The following KIF2A variants were observed in gnomAD, a reference collection of about 807,000 sequenced individuals.
The protein encoded by KIF2A is kinesin family member 2A, also known as kinesin-like protein KIF2A.
A neutral mutation model predicts 100.2 loss-of-function variants in KIF2A; 22 were observed. The ratio of observed to expected loss-of-function variants is 0.22; its 90% CI spans 0.16 to 0.31. The LOEUF (loss-of-function observed/expected upper bound fraction) is 0.31. KIF2A is among the 10% of genes least tolerant of loss of function. KIF2A has a pLI of 1.00. For synonymous variants in KIF2A, 268 were observed against 285.9 expected (o/e 0.94, Z 0.63); for missense variants, 495 against 898.7 (o/e 0.55, Z 5.74).
intron 9 of KIF2A, among the ~76,000 whole-genome samples, chr5:62,359,058 T>G (rs1748256949): frequency 6.6e-6 from 1 of 152,220 alleles, no homozygotes; most frequent in Non-Finnish European, 1.5e-5. Flanking sequence ...AGTTCCGTAC[T>G]TGTATTTAAA....
At chr5:62,308,146 G>A (rs938551517) in intron 1 of KIF2A, among the ~76,000 whole-genome samples, 3 of 152,124 alleles carry the variant, frequency 2.0e-5, no homozygotes, top group African/African-American at 4.8e-5. Flanking sequence ...TGAAACCATC[G>A]TTATCCTGTA....
At chr5:62,352,152 CA>C (rs35310169) in intron 4 of KIF2A, among the ~76,000 whole-genome samples, 150 of 118,932 alleles carry the variant, frequency 1.3e-3, no homozygotes, top group Middle Eastern at 9.8e-3. Context: ...GACTTCATCT[CA>C]AAAAAAAAAA....
chr5:62,371,659 A>G (rs956129650), intron 16 of KIF2A, among the ~76,000 whole-genome samples: 8 of 152,206 alleles, frequency 5.3e-5, no homozygotes, highest in African/African-American at 1.7e-4. Flanking sequence ...TTGAAGGACT[A>G]AATAATATAA....
At chr5:62,356,182 A>T (rs1748096943) in intron 7 of KIF2A, among the ~76,000 whole-genome samples, 1 of 152,368 alleles carries the variant, frequency 6.6e-6, no homozygotes. Context: ...TACAAAAAAG[A>T]CATTTGTGTT....
chr5:62,339,462 C>T (rs1445585738), intron 1 of KIF2A, among the ~76,000 whole-genome samples: 1 of 137,596 alleles, frequency 7.3e-6, no homozygotes, highest in Non-Finnish European at 1.6e-5. Context: ...CACACAGCCA[C>T]TATCGATAGG....
intron 1 of KIF2A, among the ~76,000 whole-genome samples, chr5:62,308,906 A>G (rs1246470369): frequency 4.3e-5 from 2 of 46,490 alleles, no homozygotes; most frequent in Admixed American, 1.8e-4. Context: ...GGATTTTAGC[A>G]GCTCTTGTTA....
chr5:62,350,780 G>T (rs1747810774), intron 4 of KIF2A, among the ~76,000 whole-genome samples: 1 of 151,774 alleles, frequency 6.6e-6, no homozygotes, highest in South Asian at 2.1e-4. Context: ...AGGCATGGTG[G>T]CAGTGCCTGT....
intron 19 of KIF2A, among the ~76,000 whole-genome samples, chr5:62,380,769 CTCA>C (rs1325911549): frequency 6.6e-6 from 1 of 152,060 alleles, no homozygotes; most frequent in South Asian, 2.1e-4. Context: ...GGTCTTCATC[CTCA>C]TCATCTTCAC....
chr5:62,306,247 C>G lies in KIF2A; in HGVS notation c.-226C>G. 2 of 523,698 alleles carry G rather than the reference C, an allele frequency of 3.8e-6. No individual in the cohort carries two copies. Among genetic ancestry groups the G allele is most frequent in the South Asian group, 4.8e-5 (2 of 41,394 alleles). The allele number at this position is 523,698 out of a possible 1,614,324, so 32.4% of individuals were successfully genotyped here. A position where few individuals can be genotyped will look rare whatever the true frequency, so the allele number is the denominator to read the frequency against. On this transcript the variant is annotated 5_prime_UTR_variant, in exon 1 of 21. Coordinates refer to ENST00000407818, the MANE Select transcript of KIF2A (RefSeq NM_001098511.3). ...TCTCACGGCCCCGGCCCTAGCTTCACCCCGACTACCCGGCGTGCGCGTCCT... is the reference window on the plus strand; with the variant it reads ...TCTCACGGCCCCGGCCCTAGCTTCAGCCCGACTACCCGGCGTGCGCGTCCT...
At chr5:62,340,200 G>A (rs1262483930) in intron 1 of KIF2A, among the ~76,000 whole-genome samples, 1 of 152,146 alleles carries the variant, frequency 6.6e-6, no homozygotes, top group Admixed American at 6.6e-5. Context: ...GCCTCCCAAA[G>A]TGCTGGGATT....
In KIF2A at chr5:62,306,217, C is replaced by A; in HGVS notation, c.-256C>A. The A allele has an allele frequency of 2.2e-6, 1 of 452,962 alleles. No individual in the cohort carries two copies. Among genetic ancestry groups the A allele is most frequent in the Non-Finnish European group, 3.9e-6 (1 of 256,262 alleles). The allele number at this position is 452,962 out of a possible 1,614,324, so 28.1% of individuals were successfully genotyped here. A position where few individuals can be genotyped will look rare whatever the true frequency, so the allele number is the denominator to read the frequency against. ...GTGCGGGCCCTCCCACTCTACCCCGCGCCGTCTCACGGCCCCGGCCCTAGC... is the reference window on the plus strand; with the variant it reads ...GTGCGGGCCCTCCCACTCTACCCCGAGCCGTCTCACGGCCCCGGCCCTAGC... On this transcript the variant is annotated 5_prime_UTR_variant, in exon 1 of 21. Coordinates refer to ENST00000407818, the MANE Select transcript of KIF2A (RefSeq NM_001098511.3).
intron 1 of KIF2A, among the ~76,000 whole-genome samples, chr5:62,332,997 A>C (rs560399221): frequency 6.6e-6 from 1 of 152,330 alleles, no homozygotes. Flanking sequence ...GCTCATACTG[A>C]ATATGATAAA....
chr5:62,307,609 C>G (rs927660535), intron 1 of KIF2A, among the ~76,000 whole-genome samples: 3 of 150,892 alleles, frequency 2.0e-5, no homozygotes, highest in Non-Finnish European at 2.9e-5. Flanking sequence ...GTTCCTGACT[C>G]CATCTCTCAT....
intron 1 of KIF2A, among the ~76,000 whole-genome samples, chr5:62,341,869 A>G (rs997325661): frequency 6.6e-6 from 1 of 152,104 alleles, no homozygotes; most frequent in Admixed American, 6.6e-5. Flanking sequence ...TACTGTGGTA[A>G]TTCTACTGGT....
In KIF2A at chr5:62,377,696, C is replaced by T. The variant is rs146204857; in HGVS notation, c.1947C>T (p.His649=). 2.7e-4 allele frequency: 414 copies of T among 1,555,506 alleles called. 2 individuals are homozygous for T. The African/African-American group carries it at 4.4e-3, about 17-fold the overall frequency. The change falls in exon 19 of 21, where the codon CAC becomes CAT. Residue 649 remains histidine, a synonymous_variant. Coordinates refer to ENST00000407818, the MANE Select transcript of KIF2A (RefSeq NM_001098511.3). ...EEVSPQLFTF[H]EAVSQMVEME... ...TCTCTCCACAGTTGTTTACTTTCCA[C>T]GAAGCTGTTTCACAAATGGTAGAAA...
chr5:62,306,537 G>T lies in KIF2A; in HGVS notation c.64+1G>T. The T allele has an allele frequency of 6.5e-7, 1 of 1,545,200 alleles. No homozygotes were observed. Reference sequence around the variant, plus strand: ...TACGTGGAGATCAAGCGCAGCGATGGTGAGCCGCGCTGCCAGCCCCGCTGG... The same window carrying T: ...TACGTGGAGATCAAGCGCAGCGATGTTGAGCCGCGCTGCCAGCCCCGCTGG... On this transcript the variant is annotated splice_donor_variant, in intron 1 of 20. Coordinates refer to ENST00000407818, the MANE Select transcript of KIF2A (RefSeq NM_001098511.3). LOFTEE classifies it high-confidence loss of function.
At position 62,387,335 on chromosome 5, in the gene KIF2A, AAAAG is replaced by A. The variant is rs1358119665; in HGVS notation, c.*1767_*1770del. On this transcript the variant is annotated 3_prime_UTR_variant, in exon 21 of 21. Coordinates refer to ENST00000407818, the MANE Select transcript of KIF2A (RefSeq NM_001098511.3). ...TTGACCTTGCAAAGGATATTTAAAA[AAAAG>A]GTAGTTTTTGAGATTAACCAACTTT... 1 of 152,218 alleles carries A rather than the reference AAAAG, an allele frequency of 6.6e-6. No homozygotes were observed. Among genetic ancestry groups the A allele is most frequent in the Non-Finnish European group, 1.5e-5 (1 of 68,034 alleles). 9.4% of individuals were successfully genotyped at this position (152,218 alleles called of 1,614,324 possible).
chr5:62,330,116 C>T (rs534829279), intron 1 of KIF2A, among the ~76,000 whole-genome samples: 5 of 152,152 alleles, frequency 3.3e-5, no homozygotes, highest in South Asian at 4.1e-4. Flanking sequence ...TTTGGGAGGC[C>T]GAGGTGAGCA....
At chr5:62,322,556 A>AT (rs1746151834) in intron 1 of KIF2A, among the ~76,000 whole-genome samples, 1 of 152,132 alleles carries the variant, frequency 6.6e-6, no homozygotes, top group Non-Finnish European at 1.5e-5. Context: ...CTAGTTCTTG[A>AT]CCTTTTAACA....
Sources: gnomAD v4.1 joint callset for allele counts (sites outside exome capture counted in the v4.1 genomes callset) on GRCh38, gnomAD v4.1.1 for gene constraint, MANE v1.5 for transcripts, NCBI Gene and HGNC (gene_info 2026-07-23, HGNC 2026-07-21) for gene names.